Variants in CHRM3 observed in about 807,000 individuals in gnomAD.
The protein encoded by CHRM3 is muscarinic acetylcholine receptor M3.
In CHRM3, 11 loss-of-function variants were observed where a neutral mutation model predicts 41.8. That is an observed-to-expected ratio of 0.26 (90% CI 0.17 to 0.44). The LOEUF (loss-of-function observed/expected upper bound fraction) is 0.44. CHRM3 is among the 20% of genes least tolerant of loss of function. The pLI, the probability that CHRM3 is intolerant of heterozygous loss-of-function variation, is 1.00. For missense variants in CHRM3, 571 were observed against 745.4 expected (o/e 0.77, Z 2.72); for synonymous variants, 297 against 301.4 (o/e 0.99, Z 0.15).
chr1:239,398,970 G>A (rs1659729321), intron 1 of CHRM3, among the ~76,000 whole-genome samples: 1 of 152,076 alleles, frequency 6.6e-6, no homozygotes, highest in South Asian at 2.1e-4. Flanking sequence ...GAAAAAGAAA[G>A]GAAGTGAATA....
intron 3 of CHRM3, among the ~76,000 whole-genome samples, chr1:239,589,719 C>T (rs1663892469): frequency 6.9e-6 from 1 of 144,868 alleles, no homozygotes; most frequent in South Asian, 2.2e-4. Flanking sequence ...TTTTCATGAA[C>T]AGTGCTTGCA....
intron 3 of CHRM3, among the ~76,000 whole-genome samples, chr1:239,554,417 G>A (rs573195101): frequency 6.6e-6 from 1 of 152,184 alleles, no homozygotes; most frequent in South Asian, 2.1e-4. Context: ...AGCTGTTAGA[G>A]GTGGGTAGGG....
intron 5 of CHRM3, among the ~76,000 whole-genome samples, chr1:239,785,608 T>C (rs1016703788): frequency 2.0e-5 from 3 of 152,212 alleles, no homozygotes; most frequent in African/African-American, 7.2e-5. Flanking sequence ...AGAATTTCTT[T>C]CTTTATTTTA....
intron 5 of CHRM3, among the ~76,000 whole-genome samples, chr1:239,760,134 C>T (rs1466604638): frequency 6.6e-6 from 1 of 151,058 alleles, no homozygotes; most frequent in East Asian, 1.9e-4. Context: ...ACCGTGTTAG[C>T]CAGGATGGTC....
intron 1 of CHRM3, among the ~76,000 whole-genome samples, chr1:239,388,436 A>G (rs556374367): frequency 1.6e-4 from 24 of 152,312 alleles, no homozygotes; most frequent in African/African-American, 5.5e-4. Context: ...TACTATTTGA[A>G]AAATAATTTT....
chr1:239,450,966 A>C (rs1035991260), intron 1 of CHRM3, among the ~76,000 whole-genome samples: 2 of 152,194 alleles, frequency 1.3e-5, no homozygotes, highest in African/African-American at 2.4e-5. Flanking sequence ...ATGACAGAAG[A>C]ATCACTTGAG....
At chr1:239,677,785 A>G (rs1380631242) in intron 4 of CHRM3, among the ~76,000 whole-genome samples, 1 of 152,340 alleles carries the variant, frequency 6.6e-6, no homozygotes, top group South Asian at 2.1e-4. Flanking sequence ...ATACAAAACC[A>G]TAGCAGCTTT....
intron 3 of CHRM3, among the ~76,000 whole-genome samples, chr1:239,605,363 G>C (rs1025096562): frequency 2.0e-5 from 3 of 152,090 alleles, no homozygotes; most frequent in Non-Finnish European, 2.9e-5. Context: ...GTAACATACT[G>C]TACAGATTAG....
intron 5 of CHRM3, among the ~76,000 whole-genome samples, chr1:239,687,541 T>G (rs941790629): frequency 2.0e-5 from 3 of 152,184 alleles, no homozygotes; most frequent in African/African-American, 7.2e-5. Context: ...TTTAACAAAT[T>G]TGCCATATGT....
chr1:239,909,286 G>A lies in CHRM3; in HGVS notation c.*62G>A, dbSNP rs538745429. ...CATCAACCCACAGACCTTAGGAGGA[G>A]GAAGGCGAGGGCGGGGTGACTTCTG... On this transcript the variant is annotated 3_prime_UTR_variant, in exon 7 of 7. Transcript: ENST00000676153. The A allele has an allele frequency of 1.3e-5, 19 of 1,496,234 alleles. No homozygotes were observed. In the South Asian group the frequency reaches 2.1e-4, roughly 17 times the overall value. The allele number at this position is 1,496,234 out of a possible 1,614,324, so 92.7% of individuals were successfully genotyped here.
intron 5 of CHRM3, chr1:239,714,287 G>A (rs1390578152): frequency 2.6e-5 from 4 of 152,192 alleles, no homozygotes; most frequent in Admixed American, 2.0e-4. Flanking sequence ...ACAGGTGTTA[G>A]CAATTTTATA....
intron 1 of CHRM3, among the ~76,000 whole-genome samples, chr1:239,451,424 G>A (rs550693062): frequency 6.6e-6 from 1 of 152,244 alleles, no homozygotes; most frequent in Admixed American, 6.5e-5. Flanking sequence ...GACATCTCAG[G>A]GTGTTGAGAG....
intron 3 of CHRM3, among the ~76,000 whole-genome samples, chr1:239,552,627 A>ATATTATTATTATTAT (rs78726802): frequency 1.4e-5 from 2 of 139,770 alleles, no homozygotes; most frequent in Admixed American, 7.4e-5. Flanking sequence ...CACCTGACTA[A>ATATTATTATTATTAT]TATTATTATT....
intron 5 of CHRM3, among the ~76,000 whole-genome samples, chr1:239,739,584 T>C (rs1664668382): frequency 6.6e-6 from 1 of 152,128 alleles, no homozygotes; most frequent in Non-Finnish European, 1.5e-5. Flanking sequence ...TCAGCTATAA[T>C]GCTAATAAGG....
intron 6 of CHRM3, among the ~76,000 whole-genome samples, chr1:239,843,699 G>C (rs2149180958): frequency 6.6e-6 from 1 of 152,142 alleles, no homozygotes; most frequent in Non-Finnish European, 1.5e-5. Flanking sequence ...TGCTGACATA[G>C]AAGTAGCATG....
intron 1 of CHRM3, among the ~76,000 whole-genome samples, chr1:239,395,491 C>T (rs1453477828): frequency 1.3e-5 from 2 of 152,072 alleles, no homozygotes; most frequent in African/African-American, 2.4e-5. Context: ...AGCCAGGTAC[C>T]GAATTCTAAT....
rs560819550 is a variant in CHRM3 at position 239,571,967 on chromosome 1, C to T, written c.-313+26218C>T. Among the ~76,000 whole-genome samples, 3 of 152,272 alleles carry T rather than the reference C, an allele frequency of 2.0e-5. No individual in the cohort carries two copies. In the South Asian group the frequency reaches 6.2e-4, roughly 32 times the overall value. Reference sequence around the variant, plus strand: ...CCCTGGCTCAGCCAGTATGTCATATCAACTACCATTTAATTATAAAACTAC... The same window carrying T: ...CCCTGGCTCAGCCAGTATGTCATATTAACTACCATTTAATTATAAAACTAC... On this transcript the variant is annotated intron_variant, in intron 3 of 6. Coordinates refer to ENST00000676153, the MANE Select transcript of CHRM3 (RefSeq NM_001375978.1).
chr1:239,620,488 AAGAGAT>A (rs1282007209), intron 3 of CHRM3, among the ~76,000 whole-genome samples: 5 of 152,144 alleles, frequency 3.3e-5, no homozygotes, highest in Non-Finnish European at 5.9e-5. Context: ...GTAGATAGAT[AAGAGAT>A]AGAGATAGAG....
chr1:239,647,827 A>C (rs1377260189), intron 4 of CHRM3, among the ~76,000 whole-genome samples: 1 of 152,196 alleles, frequency 6.6e-6, no homozygotes, highest in South Asian at 2.1e-4. Context: ...ATGAAAATGT[A>C]ATCATAATTC....
Sources: gnomAD v4.1 joint callset for allele counts (sites outside exome capture counted in the v4.1 genomes callset) on GRCh38, gnomAD v4.1.1 for gene constraint, MANE v1.5 for transcripts, NCBI Gene and HGNC (gene_info 2026-07-23, HGNC 2026-07-21) for gene names.